Variants in PDE11A observed in about 807,000 individuals in gnomAD.
The protein encoded by PDE11A is phosphodiesterase 11A, also known as dual 3',5'-cyclic-AMP and -GMP phosphodiesterase 11A.
In PDE11A, 100 loss-of-function variants were observed where a neutral mutation model predicts 100.5. The observed-to-expected ratio is 1.00, with a 90% CI of 0.85 to 1.18. The LOEUF (loss-of-function observed/expected upper bound fraction) is 1.18. PDE11A is among the 50% of genes most tolerant of loss of function. The pLI is 0.00. For synonymous variants in PDE11A, 381 were observed against 420.8 expected (o/e 0.91, Z 1.16); for missense variants, 1,141 against 1,152.6 (o/e 0.99, Z 0.15).
At chr2:177,969,318 T>G (rs1337367037) in intron 2 of PDE11A, among the ~76,000 whole-genome samples, 2 of 152,066 alleles carry the variant, frequency 1.3e-5, no homozygotes, top group African/African-American at 2.4e-5. Flanking sequence ...CTAATGCATG[T>G]GGGGCTGAAA....
chr2:178,082,694 AC>A (rs1172563375), intron 2 of PDE11A, among the ~76,000 whole-genome samples: 1 of 152,244 alleles, frequency 6.6e-6, no homozygotes, highest in Non-Finnish European at 1.5e-5. Flanking sequence ...GTACAAAAAA[AC>A]AGAAGCATTA....
intron 2 of PDE11A, among the ~76,000 whole-genome samples, chr2:177,973,239 G>A (rs917723709): frequency 7.4e-6 from 1 of 134,814 alleles, no homozygotes; most frequent in Non-Finnish European, 1.6e-5. Context: ...CGCACCGTGC[G>A]CGAGCCGAAG....
At chr2:177,898,948 G>A (rs919826807) in intron 3 of PDE11A, among the ~76,000 whole-genome samples, 4 of 152,308 alleles carry the variant, frequency 2.6e-5, no homozygotes, top group Middle Eastern at 6.8e-3. Flanking sequence ...TTTCTCTGGA[G>A]TCTGTATCTC....
At chr2:177,790,266 C>G (rs1267719760) in intron 9 of PDE11A, among the ~76,000 whole-genome samples, 1 of 150,634 alleles carries the variant, frequency 6.6e-6, no homozygotes, top group African/African-American at 2.5e-5. Context: ...TTTGACAAAC[C>G]TGAGAAAAAC....
chr2:178,016,938 A>G (rs563271102), intron 1 of PDE11A, among the ~76,000 whole-genome samples: 4 of 152,322 alleles, frequency 2.6e-5, no homozygotes, highest in African/African-American at 7.2e-5. Flanking sequence ...ACCTTTGAAG[A>G]TCTTGAAGCA....
chr2:177,713,291 G>T (rs947328468), intron 12 of PDE11A, among the ~76,000 whole-genome samples: 1 of 152,180 alleles, frequency 6.6e-6, no homozygotes, highest in South Asian at 2.1e-4. Flanking sequence ...TTATAGGTGT[G>T]AGCCTCCACG....
chr2:177,909,987 AG>A (rs1177257688), intron 2 of PDE11A, among the ~76,000 whole-genome samples: 1 of 152,132 alleles, frequency 6.6e-6, no homozygotes, highest in African/African-American at 2.4e-5. Context: ...GGTTTCTTTT[AG>A]GTCTTCTTTA....
chr2:178,076,201 C>T (rs190403435), upstream of PDE11A, among the ~76,000 whole-genome samples: 370 of 152,316 alleles, frequency 2.4e-3, 1 homozygote, highest in African/African-American at 8.8e-3. Flanking sequence ...TCTACCCTTT[C>T]CCATCTCTAT....
intron 2 of PDE11A, among the ~76,000 whole-genome samples, chr2:178,002,907 G>A: frequency 6.6e-6 from 1 of 152,056 alleles, no homozygotes; most frequent in East Asian, 1.9e-4. Context: ...AATTTATCAA[G>A]AGCCCTTAAA....
intron 2 of PDE11A, among the ~76,000 whole-genome samples, chr2:177,933,666 G>A (rs1411391641): frequency 6.6e-6 from 1 of 152,072 alleles, no homozygotes; most frequent in Non-Finnish European, 1.5e-5. Flanking sequence ...GGGTGACAGA[G>A]TGAGACTCCA....
At chr2:177,821,543 A>G (rs2083139475) in intron 6 of PDE11A, among the ~76,000 whole-genome samples, 1 of 151,874 alleles carries the variant, frequency 6.6e-6, no homozygotes, top group African/African-American at 2.4e-5. Flanking sequence ...TATATTTTAA[A>G]GTTTTTGCAA....
intron 2 of PDE11A, among the ~76,000 whole-genome samples, chr2:178,099,188 G>A (rs2105887852): frequency 6.6e-6 from 1 of 152,312 alleles, no homozygotes; most frequent in Middle Eastern, 3.4e-3. Flanking sequence ...CACTTTGGGA[G>A]GCCGAGGCGG....
chr2:177,885,728 C>T (rs559954579), intron 4 of PDE11A, among the ~76,000 whole-genome samples: 1 of 152,134 alleles, frequency 6.6e-6, no homozygotes, highest in Non-Finnish European at 1.5e-5. Context: ...CCAGAACAAT[C>T]GGAGGATGCT....
At chr2:178,035,688 T>C (rs971121782) in intron 1 of PDE11A, among the ~76,000 whole-genome samples, 3 of 152,194 alleles carry the variant, frequency 2.0e-5, no homozygotes, top group African/African-American at 7.2e-5. Context: ...CACGATCAAG[T>C]TGGCTTCTTT....
chr2:178,010,922 T>A (rs2086267344), intron 2 of PDE11A, among the ~76,000 whole-genome samples: 1 of 152,154 alleles, frequency 6.6e-6, no homozygotes, highest in Non-Finnish European at 1.5e-5. Flanking sequence ...ACTGGAGAAA[T>A]CCCAATAAGG....
At chr2:177,889,211 G>A (rs1216872826) in intron 4 of PDE11A, among the ~76,000 whole-genome samples, 1 of 152,090 alleles carries the variant, frequency 6.6e-6, no homozygotes, top group Non-Finnish European at 1.5e-5. Context: ...TTTCCCTGAG[G>A]ACTTTGTAGA....
chr2:178,006,521 C>A (rs974289455), intron 2 of PDE11A, among the ~76,000 whole-genome samples: 3 of 152,100 alleles, frequency 2.0e-5, no homozygotes, highest in African/African-American at 7.2e-5. Context: ...AGACCACAGC[C>A]ATGACACCAT....
intron 5 of PDE11A, among the ~76,000 whole-genome samples, chr2:177,855,469 C>T (rs1213017353): frequency 6.6e-6 from 1 of 152,010 alleles, no homozygotes; most frequent in Non-Finnish European, 1.5e-5. Context: ...TCAGGAAAAA[C>T]AGCAAGATCT....
intron 5 of PDE11A, 77 bp from the exon 6 acceptor site, chr2:177,840,460 C>T: frequency 1.1e-5 from 13 of 1,228,646 alleles, no homozygotes; most frequent in Non-Finnish European, 1.6e-5. Context: ...ATAAACTACA[C>T]TAATATCAGG....
Sources: allele counts gnomAD v4.1 joint callset (sites outside exome capture counted in the v4.1 genomes callset), GRCh38; gene constraint gnomAD v4.1.1; transcripts MANE v1.5; gene names NCBI Gene and HGNC (gene_info 2026-07-23, HGNC 2026-07-21).